Variants in PYROXD2 observed in about 807,000 individuals in gnomAD.
PYROXD2 encodes pyridine nucleotide-disulphide oxidoreductase domain 2.
In PYROXD2, 69 loss-of-function variants were observed where a neutral mutation model predicts 71.1. The ratio of observed to expected loss-of-function variants is 0.97; its 90% CI spans 0.80 to 1.19. The LOEUF is 1.19. Ranked by LOEUF, PYROXD2 falls within the 50% of genes most tolerant of loss-of-function variation. The probability of loss-of-function intolerance (pLI) is 0.00; values close to 1 mark genes in which losing one functional copy is unlikely to be tolerated. For synonymous variants in PYROXD2, 287 were observed against 302.7 expected (o/e 0.95, Z 0.54); for missense variants, 745 against 748.9 (o/e 0.99, Z 0.06).
chr10:98,395,267 C>A lies in PYROXD2; in HGVS notation c.714G>T (p.Glu238Asp), dbSNP rs1429787268. 1 of 1,614,186 alleles carries A rather than the reference C, an allele frequency of 6.2e-7. No individual in the cohort carries two copies. Among genetic ancestry groups the A allele is most frequent in the Non-Finnish European group, 8.5e-7 (1 of 1,180,040 alleles). ...TKVLDQWFES[E>D]PLKATLATDA... ...CTGTGGCTAGAGTGGCTTTTAAAGG[C>A]TCAGACTCGAACCACTGATCCAGCA... The change falls in exon 8 of 16, where the codon GAG (glutamate) becomes GAT (aspartate). Residue 238 changes from glutamate to aspartate, a missense_variant. Glu to Asp is a conservative substitution (Grantham distance 45). Coordinates refer to ENST00000370575, the MANE Select transcript of PYROXD2 (RefSeq NM_032709.3).
chr10:98,385,174 C>T, intron 14 of PYROXD2, 107 bp from the exon 15 acceptor site: 1 of 1,439,626 alleles, frequency 6.9e-7, no homozygotes, highest in Non-Finnish European at 9.4e-7. Context: ...CTTCTCCTTC[C>T]AGGATATTTT....
In PYROXD2 at chr10:98,383,736, T is replaced by A. The variant is rs1842661050; in HGVS notation, c.*62A>T. On this transcript the variant is annotated 3_prime_UTR_variant, in exon 16 of 16. Coordinates refer to ENST00000370575, the MANE Select transcript of PYROXD2 (RefSeq NM_032709.3). ...GAAGCTGAACTTCCTGGGAAGCTGA[T>A]CCAATGGAGCACTTGGAATTCAGGG... 8 of 1,424,470 alleles carry A rather than the reference T, an allele frequency of 5.6e-6. No individual in the cohort carries two copies. In the South Asian group the frequency reaches 9.2e-5, roughly 16 times the overall value. 88.2% of individuals were successfully genotyped at this position (1,424,470 alleles called of 1,614,324 possible). A position where few individuals can be genotyped will look rare whatever the true frequency, so the allele number is the denominator to read the frequency against.
chr10:98,385,600 G>C (rs1209584908), intron 14 of PYROXD2, among the ~76,000 whole-genome samples: 2 of 152,184 alleles, frequency 1.3e-5, no homozygotes, highest in African/African-American at 4.8e-5. Flanking sequence ...CAGACTCAGG[G>C]GGCAGGTCTG....
chr10:98,393,426 T>C (rs905658259), intron 8 of PYROXD2, among the ~76,000 whole-genome samples: 10 of 152,134 alleles, frequency 6.6e-5, no homozygotes, highest in Non-Finnish European at 1.2e-4. Flanking sequence ...ACCCACCACC[T>C]TTTCCCCATT....
chr10:98,407,388 A>T (rs1162097631), intron 4 of PYROXD2, among the ~76,000 whole-genome samples, 194 bp downstream of exon 4: 1 of 152,186 alleles, frequency 6.6e-6, no homozygotes, highest in African/African-American at 2.4e-5. Context: ...TTTTCAAGAC[A>T]CTACATGGAC....
At position 98,413,438 on chromosome 10, in the gene PYROXD2, G is replaced by A. The variant is rs558843020; in HGVS notation, c.127+1571C>T. 2.8e-3 allele frequency among the ~76,000 whole-genome samples: 420 copies of A among 152,304 alleles called. 2 individuals carry two copies. The highest frequency in any genetic ancestry group is 9.2e-3 in the African/African-American group (383 of 41,560). ...TTCCTGTCATTTAAAGAAGGAGGCC[G>A]GGCGCAGTGGCTCACACCTGTAATC... On this transcript the variant is annotated intron_variant, in intron 1 of 15. Coordinates refer to ENST00000370575, the MANE Select transcript of PYROXD2 (RefSeq NM_032709.3).
intron 8 of PYROXD2, among the ~76,000 whole-genome samples, chr10:98,393,315 G>A (rs774530691): frequency 6.6e-6 from 1 of 152,058 alleles, no homozygotes; most frequent in South Asian, 2.1e-4. Flanking sequence ...AGAAGGCAAC[G>A]ATGCCCAAAC....
chr10:98,384,682 G>A lies in PYROXD2; in HGVS notation c.1675+265C>T, dbSNP rs540437026. ...TCACAACCCCACATTGGAATGTGGT[G>A]AGATGCCTCCACCAGGATGCATCCC... On this transcript the variant is annotated intron_variant, in intron 15 of 15. Coordinates refer to ENST00000370575, the MANE Select transcript of PYROXD2 (RefSeq NM_032709.3). Among the ~76,000 whole-genome samples, 35 of 152,320 alleles carry A rather than the reference G, an allele frequency of 2.3e-4. No individual in the cohort carries two copies. In the East Asian group the frequency reaches 2.5e-3, roughly 11 times the overall value.
intron 2 of PYROXD2, 31 bp downstream of exon 2, chr10:98,410,908 G>A (rs1262372548): frequency 9.0e-6 from 14 of 1,559,806 alleles, no homozygotes; most frequent in Non-Finnish European, 1.2e-5. Context: ...CCCAGGGCCA[G>A]TGAAGTGGGA....
chr10:98,413,410 T>G (rs190359103), intron 1 of PYROXD2, among the ~76,000 whole-genome samples: 1 of 152,208 alleles, frequency 6.6e-6, no homozygotes, highest in Non-Finnish European at 1.5e-5. Flanking sequence ...TTGAGTAACA[T>G]CATTCCTGTC....
chr10:98,394,859 A>C (rs1471725533), intron 8 of PYROXD2, among the ~76,000 whole-genome samples: 2 of 152,044 alleles, frequency 1.3e-5, no homozygotes, highest in Non-Finnish European at 2.9e-5. Context: ...TTGAGCTATC[A>C]AGCGGGAGGT....
chr10:98,384,166 G>A (rs1842676997), intron 15 of PYROXD2, among the ~76,000 whole-genome samples: 1 of 151,986 alleles, frequency 6.6e-6, no homozygotes, highest in Non-Finnish European at 1.5e-5. Context: ...CAGAATAAGG[G>A]GCTGGGGGGA....
At chr10:98,401,687 C>T (rs1843416826) in intron 4 of PYROXD2, among the ~76,000 whole-genome samples, 2 of 151,286 alleles carry the variant, frequency 1.3e-5, no homozygotes, top group East Asian at 1.9e-4. Context: ...ACTTTATAAC[C>T]TTTTTTCGCT....
In PYROXD2 at chr10:98,383,678, C is replaced by G. The variant is rs946486933; in HGVS notation, c.*120G>C. The G allele has an allele frequency of 8.7e-6, 7 of 800,906 alleles. No individual in the cohort carries two copies. The East Asian group carries it at 1.7e-4, about 20-fold the overall frequency. The allele number at this position is 800,906 out of a possible 1,614,324, so 49.6% of individuals were successfully genotyped here. A position where few individuals can be genotyped will look rare whatever the true frequency, so the allele number is the denominator to read the frequency against. On this transcript the variant is annotated 3_prime_UTR_variant, in exon 16 of 16. Transcript: ENST00000370575. ...TCGTACGTTTTTTCTAAAATAATTT[C>G]TTGAGCATTGTGGTGGCCTTATGTA... is the stretch of plus-strand genomic sequence containing the variant.
chr10:98,401,273 A>AAAAAAAAAAAACAAAC (rs149519972), intron 4 of PYROXD2, among the ~76,000 whole-genome samples: 1 of 121,692 alleles, frequency 8.2e-6, no homozygotes, highest in African/African-American at 3.7e-5. Flanking sequence ...AAAACAAAAA[A>AAAAAAAAAAAACAAAC]AAACAAACAT....
intron 4 of PYROXD2, among the ~76,000 whole-genome samples, chr10:98,405,354 A>G (rs1421412556): frequency 6.6e-6 from 1 of 152,178 alleles, no homozygotes; most frequent in East Asian, 1.9e-4. Flanking sequence ...TGCCAAAGCC[A>G]AGCCTCTCAC....
Position 98,392,344 on chromosome 10 carries a change from G to C in PYROXD2, c.1062+88C>G, listed in dbSNP as rs963050786. 90 of 1,549,944 alleles carry C rather than the reference G, an allele frequency of 5.8e-5. No individual in the cohort carries two copies. In the Middle Eastern group the frequency reaches 6.7e-4, roughly 11 times the overall value. On this transcript the variant is annotated intron_variant, in intron 10 of 15. Coordinates refer to ENST00000370575, the MANE Select transcript of PYROXD2 (RefSeq NM_032709.3). ...ACTTGGCTTTTGCATCTCACACCCT[G>C]ATGCAATCCTGGCTCCCTCAATCCC... is the stretch of plus-strand genomic sequence containing the variant.
At chr10:98,388,545 C>T in intron 12 of PYROXD2, 37 bp from the exon 13 acceptor site, 1 of 1,522,310 alleles carries the variant, frequency 6.6e-7, no homozygotes, top group Admixed American at 2.1e-5. Context: ...GTCTAAAGAG[C>T]AGCAGTGCGG....
chr10:98,409,688 G>A (rs1843723396), intron 2 of PYROXD2, among the ~76,000 whole-genome samples: 1 of 152,206 alleles, frequency 6.6e-6, no homozygotes, highest in Non-Finnish European at 1.5e-5. Flanking sequence ...GTGAGGGCAG[G>A]TGCCATTGTT....
Sources: gnomAD v4.1 joint callset for allele counts (sites outside exome capture counted in the v4.1 genomes callset) on GRCh38, gnomAD v4.1.1 for gene constraint, MANE v1.5 for transcripts, NCBI Gene and HGNC (gene_info 2026-07-23, HGNC 2026-07-21) for gene names.